Variants in RBM10 observed in about 807,000 individuals in gnomAD.
The protein encoded by RBM10 is RNA binding motif protein 10.
RBM10 carries 1 observed loss-of-function variant against 84.9 expected under a neutral mutation model. That is an observed-to-expected ratio of 0.01 (90% CI 0.00 to 0.06). RBM10 has a LOEUF of 0.06. RBM10 is among the 10% of genes least tolerant of loss of function. The pLI is 1.00. For missense variants in RBM10, 438 were observed against 839.0 expected (o/e 0.52, Z 5.90); for synonymous variants, 326 against 344.5 (o/e 0.95, Z 0.60).
At chrX:47,177,155 C>G (rs1291243134) in intron 7 of RBM10, among the ~76,000 whole-genome samples, 1 of 112,298 alleles carries the variant, frequency 8.9e-6, no homozygotes, top group Non-Finnish European at 1.9e-5. Flanking sequence ...TTAACACAGT[C>G]GAATTGTTAA....
chrX:47,165,935 G>A (rs1934162586), intron 2 of RBM10, among the ~76,000 whole-genome samples: 1 of 110,506 alleles, frequency 9.0e-6, no homozygotes, highest in African/African-American at 3.3e-5. Context: ...CAGGAGAATC[G>A]CTTGAACCCA....
intron 2 of RBM10, among the ~76,000 whole-genome samples, chrX:47,160,896 C>T (rs1218300027): frequency 2.7e-5 from 3 of 111,983 alleles, no homozygotes; most frequent in African/African-American, 9.7e-5. Flanking sequence ...AAACTGAAAG[C>T]AGTCACGGAC....
intron 2 of RBM10, chrX:47,157,800 A>C: frequency 3.1e-6 from 1 of 319,373 alleles, no homozygotes; most frequent in Non-Finnish European, 5.3e-6. Context: ...TTTTTTTTTG[A>C]GATCAGTCTC....
At position 47,180,471 on chromosome X, in the gene RBM10, A is replaced by G; in HGVS notation, c.1213A>G (p.Thr405Ala). 8.3e-7 allele frequency: 1 copy of G among 1,210,771 alleles called. No individual in the cohort carries two copies. The highest frequency in any genetic ancestry group is 1.1e-6 in the Non-Finnish European group (1 of 895,273). Reference protein sequence around the residue: ...SRISAASVASTAIAAAQWAIS... With the variant: ...SRISAASVASAAIAAAQWAIS... Reference sequence around the variant, plus strand: ...CATCAGTGCTGCCTCTGTGGCCAGCACTGCCATTGCTGCGGCCCAGTGGGC... The same window carrying G: ...CATCAGTGCTGCCTCTGTGGCCAGCGCTGCCATTGCTGCGGCCCAGTGGGC... The change falls in exon 12 of 24, where the codon ACT (threonine) becomes GCT (alanine). Residue 405 changes from threonine to alanine, a missense_variant. Transcript: ENST00000377604.
At chrX:47,177,337 G>T (rs1935217940) in intron 7 of RBM10, among the ~76,000 whole-genome samples, 2 of 111,916 alleles carry the variant, frequency 1.8e-5, no homozygotes, top group South Asian at 7.3e-4. Flanking sequence ...GGAACCATGG[G>T]TGAACCTTTA....
intron 17 of RBM10, among the ~76,000 whole-genome samples, chrX:47,183,244 G>A (rs1935667386): frequency 8.9e-6 from 1 of 112,243 alleles, no homozygotes; most frequent in South Asian, 3.7e-4. Context: ...AGGGGGGCCG[G>A]GAGCCGTGGC....
intron 2 of RBM10, among the ~76,000 whole-genome samples, chrX:47,153,781 G>A (rs782349332): frequency 9.8e-5 from 11 of 111,855 alleles, no homozygotes; most frequent in East Asian, 2.8e-4. Flanking sequence ...AAACTTGGTA[G>A]GACTCACCTT....
chrX:47,179,703 C>T, intron 9 of RBM10, 177 bp from the exon 10 acceptor site: 2 of 794,833 alleles, frequency 2.5e-6, no homozygotes, highest in South Asian at 4.7e-5. Context: ...AGACAGGCAG[C>T]CAGGCTGGCA....
In RBM10 at chrX:47,181,250, C is replaced by T. The variant is rs782103343; in HGVS notation, c.1284C>T (p.Ser428=). The T allele has an allele frequency of 1.0e-4, 122 of 1,164,796 alleles. No individual in the cohort carries two copies. The Admixed American group carries it at 2.0e-3, about 19-fold the overall frequency. Residue 428 remains serine (S), a synonymous_variant, in exon 13 of 24, where the codon TCC becomes TCT. Transcript: ENST00000377604. ...SQGGEGTWAT[S]EEPPVDYSYY... ...GTGGGGAGGGTACCTGGGCCACCTCCGAGGAGCCGCCGGTCGACTACAGCT... is the reference window on the plus strand; with the variant it reads ...GTGGGGAGGGTACCTGGGCCACCTCTGAGGAGCCGCCGGTCGACTACAGCT...
chrX:47,155,230 C>A (rs1043341126), intron 2 of RBM10, among the ~76,000 whole-genome samples: 4 of 109,424 alleles, frequency 3.7e-5, no homozygotes, highest in Non-Finnish European at 7.6e-5. Context: ...CAGCAGTATC[C>A]CCATTACCTA....
chrX:47,147,271 C>T (rs1556762330), intron 1 of RBM10, 86 bp from the exon 2 acceptor site: 6 of 958,330 alleles, frequency 6.3e-6, no homozygotes, highest in South Asian at 6.2e-5. Context: ...TAAGGGGCAG[C>T]GGAGAGCCTT....
chrX:47,167,782 T>G (rs1934342642), intron 2 of RBM10, among the ~76,000 whole-genome samples: 1 of 112,725 alleles, frequency 8.9e-6, no homozygotes, highest in African/African-American at 3.2e-5. Flanking sequence ...GACCTTTCTA[T>G]TTTCTAAACA....
At chrX:47,171,881 A>G (rs1478745670) in intron 4 of RBM10, among the ~76,000 whole-genome samples, 1 of 110,080 alleles carries the variant, frequency 9.1e-6, no homozygotes, top group Non-Finnish European at 1.9e-5. Flanking sequence ...TTCTTAGTCT[A>G]CTCCGCCGCC....
At chrX:47,167,859 T>G (rs1934349265) in intron 2 of RBM10, among the ~76,000 whole-genome samples, 1 of 112,474 alleles carries the variant, frequency 8.9e-6, no homozygotes, top group South Asian at 3.6e-4. Flanking sequence ...TTTCAGTTGA[T>G]TCTCTTAGGC....
intron 2 of RBM10, among the ~76,000 whole-genome samples, chrX:47,150,294 G>A (rs1326129077): frequency 9.1e-6 from 1 of 109,657 alleles, no homozygotes; most frequent in African/African-American, 3.3e-5. Context: ...TCAGCCTCCC[G>A]AGTAGCTGGT....
rs1935885153 is a variant in RBM10 at position 47,186,092 on chromosome X, G to A, written c.2458G>A (p.Glu820Lys). 8.3e-7 allele frequency: 1 copy of A among 1,211,631 alleles called. No individual in the cohort carries two copies. The highest frequency in any genetic ancestry group is 1.7e-5 in the African/African-American group (1 of 57,662). Reference sequence around the variant, plus strand: ...AATGAAGTACCGGGACCGTGCAGCTGAACGCAGAGAAAAGTATGGCATCCC... The same window carrying A: ...AATGAAGTACCGGGACCGTGCAGCTAAACGCAGAGAAAAGTATGGCATCCC... The part of the protein sequence containing the change: ...EQMKYRDRAA[E>K]RREKYGIPEP... The change falls in exon 22 of 24, where the codon GAA becomes AAA. Residue 820 changes from glutamate (E) to lysine (K), a missense_variant. Around this residue, in one of 8 missense-constraint regions of RBM10, gnomAD observed 92 missense variants for 199.9 expected, o/e 0.46. Coordinates refer to ENST00000377604, the MANE Select transcript of RBM10 (RefSeq NM_005676.5).
Position 47,147,445 on chromosome X carries a change from G to T in RBM10, c.-37G>T. ...AAGTGAAACGGAGCCAGCGGCTGAG[G>T]AGGGGCCCCAGCAGCCCCCGAAGGC... On this transcript the variant is annotated 5_prime_UTR_variant, in exon 2 of 24. Coordinates refer to ENST00000377604, the MANE Select transcript of RBM10 (RefSeq NM_005676.5). 7 of 1,211,329 alleles carry T rather than the reference G, an allele frequency of 5.8e-6. No individual in the cohort carries two copies. Among genetic ancestry groups the T allele is most frequent in the Non-Finnish European group, 4.5e-6 (4 of 895,022 alleles).
At chrX:47,177,386 G>T (rs2147159106) in intron 7 of RBM10, among the ~76,000 whole-genome samples, 1 of 111,938 alleles carries the variant, frequency 8.9e-6, no homozygotes, top group African/African-American at 3.2e-5. Context: ...CAGGGACTTG[G>T]ATGCCACAGT....
intron 2 of RBM10, 138 bp downstream of exon 2, chrX:47,147,636 TGTTTG>T: frequency 3.7e-6 from 3 of 800,139 alleles, no homozygotes; most frequent in Non-Finnish European, 5.5e-6. Flanking sequence ...AGCAGACAGG[TGTTTG>T]GCACCTGTTG....
Sources: gnomAD v4.1 joint callset for allele counts (sites outside exome capture counted in the v4.1 genomes callset) on GRCh38, gnomAD v4.1.1 for gene constraint, gnomAD v4.1.1 regional missense constraint, MANE v1.5 for transcripts, NCBI Gene and HGNC (gene_info 2026-07-23, HGNC 2026-07-21) for gene names.